The following EVI5 variants were observed in gnomAD, a reference collection of about 807,000 sequenced individuals.
EVI5 encodes the protein ecotropic viral integration site 5.
In EVI5, 73 loss-of-function variants were observed where a neutral mutation model predicts 112.0. That is an observed-to-expected ratio of 0.65 (90% CI 0.54 to 0.79). The LOEUF is 0.79. Ranked by LOEUF, EVI5 falls within the 30% of genes least tolerant of loss-of-function variation. EVI5 has a pLI of 0.00. For synonymous variants in EVI5, 305 were observed against 319.9 expected (o/e 0.95, Z 0.50); for missense variants, 900 against 968.8 (o/e 0.93, Z 0.94).
intron 1 of EVI5, among the ~76,000 whole-genome samples, chr1:92,737,041 G>A (rs895777169): frequency 6.6e-6 from 1 of 152,144 alleles, no homozygotes; most frequent in African/African-American, 2.4e-5. Context: ...AAAAACATAT[G>A]CAAGTCAAGG....
chr1:92,657,676 A>G (rs1663244074), intron 13 of EVI5, among the ~76,000 whole-genome samples: 1 of 152,110 alleles, frequency 6.6e-6, no homozygotes, highest in Non-Finnish European at 1.5e-5. Flanking sequence ...AAACAAACAA[A>G]AAAAAACTAA....
At chr1:92,594,367 A>G (rs1194258761) in intron 18 of EVI5, among the ~76,000 whole-genome samples, 1 of 151,812 alleles carries the variant, frequency 6.6e-6, no homozygotes, top group Non-Finnish European at 1.5e-5. Flanking sequence ...AGCCATATGT[A>G]GAAAGCTGAA....
At chr1:92,591,428 A>T (rs1189187616) in intron 18 of EVI5, among the ~76,000 whole-genome samples, 4 of 152,204 alleles carry the variant, frequency 2.6e-5, no homozygotes, top group Non-Finnish European at 5.9e-5. Flanking sequence ...TCTACCAAGC[A>T]AATGGAAAAC....
intron 18 of EVI5, among the ~76,000 whole-genome samples, chr1:92,584,521 A>G (rs999161245): frequency 2.0e-5 from 3 of 152,244 alleles, no homozygotes; most frequent in East Asian, 1.9e-4. Flanking sequence ...AAATATCAAT[A>G]GCAACCACTA....
At chr1:92,564,461 A>G (rs534724249) in intron 18 of EVI5, among the ~76,000 whole-genome samples, 91 of 152,158 alleles carry the variant, frequency 6.0e-4, no homozygotes, top group African/African-American at 2.0e-3. Context: ...AAGTTGTCCA[A>G]ATCACTCTAA....
At chr1:92,697,632 A>C (rs1670515890) in intron 6 of EVI5, among the ~76,000 whole-genome samples, 1 of 152,172 alleles carries the variant, frequency 6.6e-6, no homozygotes, top group Admixed American at 6.5e-5. Context: ...TTTGGCAGAA[A>C]TGCTTAAGGA....
intron 13 of EVI5, among the ~76,000 whole-genome samples, chr1:92,648,267 G>C (rs1375734121): frequency 6.8e-6 from 1 of 147,592 alleles, no homozygotes; most frequent in African/African-American, 2.5e-5. Context: ...CAGATACTCG[G>C]GAGGCTGAGG....
intron 13 of EVI5, among the ~76,000 whole-genome samples, chr1:92,644,245 A>G (rs145799032): frequency 2.0e-5 from 3 of 152,364 alleles, no homozygotes; most frequent in Non-Finnish European, 2.9e-5. Flanking sequence ...TAAAGCAAAA[A>G]GAAGTTTACA....
intron 19 of EVI5, among the ~76,000 whole-genome samples, chr1:92,536,396 T>G (rs1052680073): frequency 6.6e-6 from 1 of 152,186 alleles, no homozygotes; most frequent in Non-Finnish European, 1.5e-5. Context: ...CATAGTCTGA[T>G]GAAAGGTTTT....
chr1:92,739,197 C>T (rs939700867), intron 1 of EVI5, among the ~76,000 whole-genome samples: 3 of 139,660 alleles, frequency 2.1e-5, no homozygotes, highest in African/African-American at 8.0e-5. Context: ...CACTTGAACC[C>T]GAGAGGCAGA....
chr1:92,526,317 C>T lies in EVI5; in HGVS notation c.2167-12347G>A, dbSNP rs954756662. 6.0e-4 allele frequency among the ~76,000 whole-genome samples: 92 copies of T among 152,332 alleles called. 1 individual carries two copies. The highest frequency in any genetic ancestry group is 6.0e-3 in the Admixed American group (92 of 15,298). Reference sequence around the variant, plus strand: ...CAGGTGATCCTTCCACCTCAGCCTCCCAAAGTGTAGGGATTACAGGCATAA... The same window carrying T: ...CAGGTGATCCTTCCACCTCAGCCTCTCAAAGTGTAGGGATTACAGGCATAA... On this transcript the variant is annotated intron_variant, in intron 19 of 19. Coordinates refer to ENST00000684568, the MANE Select transcript of EVI5 (RefSeq NM_001350197.2).
chr1:92,647,888 C>T (rs1661265956), intron 13 of EVI5, among the ~76,000 whole-genome samples: 1 of 151,708 alleles, frequency 6.6e-6, no homozygotes, highest in African/African-American at 2.4e-5. Context: ...TACTAGACCA[C>T]CATGCACCAC....
chr1:92,604,684 T>G (rs1284431146), intron 18 of EVI5, among the ~76,000 whole-genome samples: 1 of 152,218 alleles, frequency 6.6e-6, no homozygotes, highest in Non-Finnish European at 1.5e-5. Context: ...TATCAAGTAT[T>G]ATGTGCTATA....
At chr1:92,725,185 A>G (rs1408560234) in intron 2 of EVI5, among the ~76,000 whole-genome samples, 4 of 152,178 alleles carry the variant, frequency 2.6e-5, no homozygotes, top group Non-Finnish European at 5.9e-5. Context: ...TCATGTAAGG[A>G]AACTATCCAT....
Position 92,662,883 on chromosome 1 carries a change from G to T in EVI5, c.1246-18C>A, listed in dbSNP as rs1394134175. 2 of 1,264,758 alleles carry T rather than the reference G, an allele frequency of 1.6e-6. No individual in the cohort carries two copies. The highest frequency in any genetic ancestry group is 5.2e-5 in the Admixed American group (2 of 38,818). 78.3% of individuals were successfully genotyped at this position (1,264,758 alleles called of 1,614,324 possible). ...ACTTGTCCCTTAGGACATAATTTTTGTGTGTGTAAAGCAATTTAGGATAGA... is the reference window on the plus strand; with the variant it reads ...ACTTGTCCCTTAGGACATAATTTTTTTGTGTGTAAAGCAATTTAGGATAGA... On this transcript the variant is annotated intron_variant, in intron 12 of 19. Transcript: ENST00000684568.
At chr1:92,559,323 G>A (rs959577987) in intron 19 of EVI5, among the ~76,000 whole-genome samples, 4 of 152,138 alleles carry the variant, frequency 2.6e-5, no homozygotes, top group Admixed American at 6.5e-5. Context: ...GACCTCACTT[G>A]CCTCTCTAAT....
chr1:92,752,835 A>T (rs1296754068), intron 1 of EVI5, among the ~76,000 whole-genome samples: 1 of 152,136 alleles, frequency 6.6e-6, no homozygotes, highest in Non-Finnish European at 1.5e-5. Flanking sequence ...GCTTAGTAAT[A>T]CCAGTATCAC....
intron 16 of EVI5, among the ~76,000 whole-genome samples, chr1:92,618,554 C>T (rs1207784047): frequency 2.0e-5 from 3 of 152,114 alleles, no homozygotes; most frequent in African/African-American, 7.2e-5. Context: ...TTAGTATTAC[C>T]ATGCCCTGTG....
At chr1:92,626,798 C>T (rs1655769876) in intron 14 of EVI5, among the ~76,000 whole-genome samples, 1 of 152,088 alleles carries the variant, frequency 6.6e-6, no homozygotes, top group Non-Finnish European at 1.5e-5. Flanking sequence ...CCAGATAAAG[C>T]ATGAACATCA....
Sources: gnomAD v4.1 joint callset for allele counts (sites outside exome capture counted in the v4.1 genomes callset) on GRCh38, gnomAD v4.1.1 for gene constraint, MANE v1.5 for transcripts, NCBI Gene and HGNC (gene_info 2026-07-23, HGNC 2026-07-21) for gene names.